Variants in UBE2E2 observed in about 807,000 individuals in gnomAD.
UBE2E2 encodes ubiquitin-conjugating enzyme E2 E2.
UBE2E2 carries 6 observed loss-of-function variants against 24.7 expected under a neutral mutation model. The ratio of observed to expected loss-of-function variants is 0.24; its 90% CI spans 0.13 to 0.48. The LOEUF is 0.48. UBE2E2 is among the 20% of genes least tolerant of loss of function. The pLI is 0.99. For missense variants in UBE2E2, 169 were observed against 245.0 expected (o/e 0.69, Z 2.07); for synonymous variants, 104 against 83.6 (o/e 1.24, Z -1.33).
At chr3:23,422,261 A>G (rs1697820428) in intron 3 of UBE2E2, among the ~76,000 whole-genome samples, 2 of 152,130 alleles carry the variant, frequency 1.3e-5, no homozygotes, top group South Asian at 4.1e-4. Flanking sequence ...ACGGGGATAG[A>G]GAGTAGGAGG....
intron 3 of UBE2E2, among the ~76,000 whole-genome samples, chr3:23,360,376 G>A (rs1696080302): frequency 6.6e-6 from 1 of 152,104 alleles, no homozygotes; most frequent in Non-Finnish European, 1.5e-5. Context: ...TACTTCTGCT[G>A]TGTGCCAGAA....
intron 3 of UBE2E2, among the ~76,000 whole-genome samples, chr3:23,437,690 G>T (rs1039678516): frequency 6.6e-6 from 1 of 152,196 alleles, no homozygotes; most frequent in Non-Finnish European, 1.5e-5. Context: ...TCTGTATAGT[G>T]TCTGGCATGT....
chr3:23,349,167 C>G (rs1290754102), intron 3 of UBE2E2, among the ~76,000 whole-genome samples: 1 of 152,120 alleles, frequency 6.6e-6, no homozygotes, highest in African/African-American at 2.4e-5. Flanking sequence ...TGGATGAAGT[C>G]AAAGCAAAAC....
At chr3:23,347,137 A>T (rs570880881) in intron 3 of UBE2E2, among the ~76,000 whole-genome samples, 62 of 152,346 alleles carry the variant, frequency 4.1e-4, no homozygotes, top group African/African-American at 1.4e-3. Context: ...ATTGTGGAAG[A>T]CAGTGTGGCG....
At chr3:23,234,152 T>G (rs920948351) in intron 3 of UBE2E2, among the ~76,000 whole-genome samples, 1 of 151,984 alleles carries the variant, frequency 6.6e-6, no homozygotes, top group Non-Finnish European at 1.5e-5. Flanking sequence ...AAAATCTCTG[T>G]ACAGAGAAAG....
At chr3:23,324,415 G>T (rs538511634) in intron 3 of UBE2E2, among the ~76,000 whole-genome samples, 2 of 152,192 alleles carry the variant, frequency 1.3e-5, no homozygotes, top group Non-Finnish European at 1.5e-5. Flanking sequence ...GAATTTAAAA[G>T]GGAAGCATCC....
chr3:23,255,522 T>C (rs985819156), intron 3 of UBE2E2, among the ~76,000 whole-genome samples: 3 of 152,184 alleles, frequency 2.0e-5, no homozygotes, highest in African/African-American at 7.2e-5. Context: ...AGCAAACATT[T>C]AGGGATTTAG....
At chr3:23,530,740 T>C (rs903375505) in intron 4 of UBE2E2, among the ~76,000 whole-genome samples, 2 of 152,196 alleles carry the variant, frequency 1.3e-5, no homozygotes, top group Non-Finnish European at 2.9e-5. Flanking sequence ...CTAATTGATA[T>C]AAGGGCGCTC....
At chr3:23,404,209 C>T (rs1174245542) in intron 3 of UBE2E2, among the ~76,000 whole-genome samples, 2 of 152,138 alleles carry the variant, frequency 1.3e-5, no homozygotes, top group East Asian at 3.8e-4. Flanking sequence ...CAATGAGATT[C>T]TGCTTGTTGG....
chr3:23,300,481 G>T (rs1699042967), intron 3 of UBE2E2, among the ~76,000 whole-genome samples: 1 of 152,114 alleles, frequency 6.6e-6, no homozygotes, highest in Admixed American at 6.5e-5. Flanking sequence ...CAGGCCTGGT[G>T]GTGACAAAAT....
At chr3:23,300,386 C>T (rs976115472) in intron 3 of UBE2E2, among the ~76,000 whole-genome samples, 4 of 152,170 alleles carry the variant, frequency 2.6e-5, no homozygotes, top group African/African-American at 7.2e-5. Flanking sequence ...CCTTGATGGT[C>T]TTTACAATTT....
intron 4 of UBE2E2, among the ~76,000 whole-genome samples, chr3:23,505,455 T>C (rs1182725319): frequency 2.0e-5 from 3 of 152,224 alleles, no homozygotes; most frequent in African/African-American, 7.2e-5. Context: ...AGGCAACTTA[T>C]GCACAGGTTA....
At chr3:23,406,109 A>G (rs1164164828) in intron 3 of UBE2E2, among the ~76,000 whole-genome samples, 1 of 152,260 alleles carries the variant, frequency 6.6e-6, no homozygotes, top group East Asian at 1.9e-4. Context: ...AAGTACTTGT[A>G]GTTTTACATT....
At chr3:23,574,224 G>T (rs1187169253) in intron 5 of UBE2E2, among the ~76,000 whole-genome samples, 4 of 152,162 alleles carry the variant, frequency 2.6e-5, no homozygotes, top group Admixed American at 6.5e-5. Context: ...CCAGAGGCTG[G>T]AAAAGGTAGT....
chr3:23,271,046 A>G (rs1559327987), intron 3 of UBE2E2: 4 of 456,500 alleles, frequency 8.8e-6, no homozygotes, highest in African/African-American at 2.0e-5. Flanking sequence ...TCAATTAACT[A>G]TGACTAACAT....
At chr3:23,394,442 G>A (rs574346062) in intron 3 of UBE2E2, among the ~76,000 whole-genome samples, 1 of 152,214 alleles carries the variant, frequency 6.6e-6, no homozygotes, top group Admixed American at 6.5e-5. Context: ...CCTTATCATG[G>A]GAAAAAAGTG....
chr3:23,257,745 A>ATC (rs1386513850), intron 3 of UBE2E2, among the ~76,000 whole-genome samples: 5 of 151,366 alleles, frequency 3.3e-5, no homozygotes, highest in African/African-American at 4.8e-5. Context: ...AATTACTTTT[A>ATC]TCTCTCTCTC....
intron 4 of UBE2E2, among the ~76,000 whole-genome samples, chr3:23,503,365 AT>A (rs1331711849): frequency 1.3e-5 from 2 of 150,922 alleles, no homozygotes; most frequent in Non-Finnish European, 3.0e-5. Flanking sequence ...TATTTTTTGT[AT>A]TTTTAGTGGA....
chr3:23,420,243 A>G (rs1697763801), intron 3 of UBE2E2, among the ~76,000 whole-genome samples: 2 of 152,190 alleles, frequency 1.3e-5, no homozygotes, highest in East Asian at 1.9e-4. Context: ...TGCATTGCAT[A>G]TTGTAAGAGC....
Sources: gnomAD v4.1 joint callset for allele counts (sites outside exome capture counted in the v4.1 genomes callset) on GRCh38, gnomAD v4.1.1 for gene constraint, MANE v1.5 for transcripts, NCBI Gene and HGNC (gene_info 2026-07-23, HGNC 2026-07-21) for gene names.